Variants in DENND5B observed in about 807,000 individuals in gnomAD.
DENND5B encodes the protein DENN domain containing 5B.
A neutral mutation model predicts 140.6 loss-of-function variants in DENND5B; 34 were observed. The ratio of observed to expected loss-of-function variants is 0.24; its 90% CI spans 0.18 to 0.32. DENND5B has a LOEUF of 0.32. DENND5B is among the 10% of genes least tolerant of loss of function. The pLI, the probability that DENND5B is intolerant of heterozygous loss-of-function variation, is 1.00. For synonymous variants in DENND5B, 551 were observed against 562.1 expected (o/e 0.98, Z 0.28); for missense variants, 1,142 against 1,560.2 (o/e 0.73, Z 4.52).
intron 2 of DENND5B, among the ~76,000 whole-genome samples, chr12:31,495,498 C>T (rs1400287357): frequency 2.6e-5 from 4 of 151,492 alleles, no homozygotes; most frequent in African/African-American, 4.9e-5. Flanking sequence ...CCTGCCTCAG[C>T]CTCCCGAGTA....
intron 20 of DENND5B, among the ~76,000 whole-genome samples, chr12:31,388,442 C>A (rs142736488): frequency 6.6e-6 from 1 of 152,140 alleles, no homozygotes; most frequent in East Asian, 1.9e-4. Context: ...AGAAGAAATA[C>A]AGAACTTAGT....
intron 4 of DENND5B, among the ~76,000 whole-genome samples, chr12:31,457,316 G>A (rs1000385114): frequency 2.0e-5 from 3 of 152,012 alleles, no homozygotes; most frequent in African/African-American, 7.3e-5. Flanking sequence ...GCTACTTGTG[G>A]GTATCACTCT....
At chr12:31,497,729 T>C (rs907773872) in intron 1 of DENND5B, among the ~76,000 whole-genome samples, 11 of 132,656 alleles carry the variant, frequency 8.3e-5, no homozygotes, top group Middle Eastern at 3.5e-3. Flanking sequence ...ACCAGCAACA[T>C]AGTGAAACCT....
chr12:31,457,090 A>G (rs1944809802), intron 4 of DENND5B, among the ~76,000 whole-genome samples: 1 of 152,150 alleles, frequency 6.6e-6, no homozygotes, highest in Non-Finnish European at 1.5e-5. Flanking sequence ...AAATAAAATA[A>G]ATTATTTCCT....
At chr12:31,425,565 A>T (rs1269966290) in intron 9 of DENND5B, among the ~76,000 whole-genome samples, 1 of 152,192 alleles carries the variant, frequency 6.6e-6, no homozygotes, top group Non-Finnish European at 1.5e-5. Flanking sequence ...TCAAGCATGC[A>T]CCAAAAAATG....
chr12:31,527,165 CACA>C (rs1346821341), intron 1 of DENND5B, among the ~76,000 whole-genome samples: 1 of 152,094 alleles, frequency 6.6e-6, no homozygotes, highest in Non-Finnish European at 1.5e-5. Context: ...GGTGGAGAAT[CACA>C]ATTTTAAAAA....
At chr12:31,387,832 T>C (rs781667182) in intron 20 of DENND5B, 46 bp from the exon 21 acceptor site, 1 of 1,578,244 alleles carries the variant, frequency 6.3e-7, no homozygotes, top group Admixed American at 1.7e-5. Context: ...CTGGCCTCGC[T>C]GCAGAACAAG....
chr12:31,536,898 C>T (rs1478581189), intron 1 of DENND5B, among the ~76,000 whole-genome samples: 1 of 152,064 alleles, frequency 6.6e-6, no homozygotes, highest in Non-Finnish European at 1.5e-5. Context: ...CAGTGGAATC[C>T]TTACAGGCCA....
At chr12:31,554,790 C>T (rs1332506324) in intron 1 of DENND5B, among the ~76,000 whole-genome samples, 1 of 152,164 alleles carries the variant, frequency 6.6e-6, no homozygotes, top group African/African-American at 2.4e-5. Context: ...CTTCTCTTCT[C>T]GCTTCACTTC....
chr12:31,443,225 A>G (rs967774231), intron 6 of DENND5B, among the ~76,000 whole-genome samples: 4 of 152,150 alleles, frequency 2.6e-5, no homozygotes, highest in Non-Finnish European at 4.4e-5. Context: ...GCAGGCATGT[A>G]CCACCAGTTC....
intron 7 of DENND5B, among the ~76,000 whole-genome samples, chr12:31,438,708 A>T (rs1385371108): frequency 6.6e-6 from 1 of 151,918 alleles, no homozygotes; most frequent in East Asian, 1.9e-4. Flanking sequence ...CTGGGTGTAG[A>T]TCTTTGATAT....
intron 1 of DENND5B, 84 bp from the exon 2 acceptor site, chr12:31,496,003 T>C: frequency 1.1e-6 from 1 of 900,166 alleles, no homozygotes; most frequent in Non-Finnish European, 1.6e-6. Context: ...GTCCTACTAC[T>C]GACTGATAAT....
At chr12:31,524,510 G>A (rs190758280) in intron 1 of DENND5B, among the ~76,000 whole-genome samples, 10 of 152,198 alleles carry the variant, frequency 6.6e-5, no homozygotes, top group Middle Eastern at 3.4e-3. Flanking sequence ...AAAATTAGCC[G>A]GGCATGATGG....
intron 4 of DENND5B, 65 bp downstream of exon 4, chr12:31,460,129 T>C: frequency 1.4e-6 from 2 of 1,472,792 alleles, no homozygotes; most frequent in Non-Finnish European, 1.8e-6. Context: ...CAATGCAATC[T>C]AACGAAAGTC....
chr12:31,497,148 G>A (rs1029408505), intron 1 of DENND5B, among the ~76,000 whole-genome samples: 3 of 151,298 alleles, frequency 2.0e-5, no homozygotes, highest in Non-Finnish European at 4.4e-5. Context: ...ATCGCAGAAG[G>A]ACGAAAAAGT....
At chr12:31,424,270 C>T (rs1363550553) in intron 10 of DENND5B, among the ~76,000 whole-genome samples, 1 of 152,054 alleles carries the variant, frequency 6.6e-6, no homozygotes, top group Non-Finnish European at 1.5e-5. Flanking sequence ...GTGACAAAGG[C>T]AAACATTTAA....
intron 9 of DENND5B, among the ~76,000 whole-genome samples, chr12:31,425,847 A>G (rs1026004974): frequency 5.3e-5 from 8 of 152,344 alleles, no homozygotes; most frequent in Middle Eastern, 3.4e-3. Flanking sequence ...CAGGTTTCTG[A>G]GAGGAGAACG....
chr12:31,464,340 C>CA (rs1452228723), intron 3 of DENND5B, among the ~76,000 whole-genome samples: 1 of 152,158 alleles, frequency 6.6e-6, no homozygotes, highest in African/African-American at 2.4e-5. Flanking sequence ...GACTAGGTTC[C>CA]ACTTTTTCCT....
rs558176115 is a variant in DENND5B at position 31,450,837 on chromosome 12, A to G, written c.1629+1103T>C. Among the ~76,000 whole-genome samples the G allele has an allele frequency of 5.9e-5, 9 of 152,286 alleles. No homozygotes were observed. The South Asian group carries it at 1.5e-3, about 25-fold the overall frequency. On this transcript the variant is annotated intron_variant, in intron 5 of 20. Coordinates refer to ENST00000389082, the MANE Select transcript of DENND5B (RefSeq NM_144973.4). Reference sequence around the variant, plus strand: ...TCAGCAATCACAGCAGTAAAGAACTAAACTGTACCCTGGTGACCTAAAAGA... The same window carrying G: ...TCAGCAATCACAGCAGTAAAGAACTGAACTGTACCCTGGTGACCTAAAAGA...
Sources: allele counts gnomAD v4.1 joint callset (sites outside exome capture counted in the v4.1 genomes callset), GRCh38; gene constraint gnomAD v4.1.1; transcripts MANE v1.5; gene names NCBI Gene and HGNC (gene_info 2026-07-23, HGNC 2026-07-21).